The following DMXL1 variants were observed in gnomAD, a reference collection of about 807,000 sequenced individuals.
The protein encoded by DMXL1 is dmX-like protein 1.
In DMXL1, 99 loss-of-function variants were observed where a neutral mutation model predicts 319.2. That is an observed-to-expected ratio of 0.31 (90% CI 0.26 to 0.37). The LOEUF is 0.37. Among genes scored for constraint, DMXL1 ranks in the 10% least tolerant of loss-of-function variants. The probability of loss-of-function intolerance (pLI) is 1.00; values close to 1 mark genes in which losing one functional copy is unlikely to be tolerated. For missense variants in DMXL1, 3,745 were observed against 3,595.6 expected (o/e 1.04, Z -1.06); for synonymous variants, 1,385 against 1,235.2 (o/e 1.12, Z -2.54).
chr5:119,165,666 C>T (rs1773280857), intron 21 of DMXL1, among the ~76,000 whole-genome samples: 1 of 152,202 alleles, frequency 6.6e-6, no homozygotes, highest in African/African-American at 2.4e-5. Flanking sequence ...CTGGGAAGGC[C>T]TCACAATCAT....
intron 39 of DMXL1, chr5:119,236,344 A>G (rs956720594): frequency 1.1e-4 from 17 of 152,014 alleles, no homozygotes; most frequent in African/African-American, 2.7e-4. Context: ...AAACTTTCCC[A>G]TTTCTAGATG....
At chr5:119,241,160 T>C (rs79966641) in intron 42 of DMXL1, among the ~76,000 whole-genome samples, 1 of 152,110 alleles carries the variant, frequency 6.6e-6, no homozygotes, top group Non-Finnish European at 1.5e-5. Flanking sequence ...GAAAATGTTA[T>C]GAAAATCATG....
intron 3 of DMXL1, among the ~76,000 whole-genome samples, chr5:119,102,479 C>G (rs1757478112): frequency 6.6e-6 from 1 of 152,152 alleles, no homozygotes; most frequent in African/African-American, 2.4e-5. Context: ...AGAAATAGTT[C>G]TGAAAACTGG....
chr5:119,194,011 G>C (rs1273551576), intron 30 of DMXL1, 41 bp downstream of exon 30: 2 of 1,348,098 alleles, frequency 1.5e-6, no homozygotes, highest in Non-Finnish European at 2.0e-6. Flanking sequence ...TAAAAATAAT[G>C]GTGTATATAA....
At chr5:119,121,886 A>T (rs931324431) in intron 9 of DMXL1, among the ~76,000 whole-genome samples, 2 of 147,210 alleles carry the variant, frequency 1.4e-5, no homozygotes, top group Non-Finnish European at 3.0e-5. Context: ...CACCTCCTGG[A>T]CGGGGCGGCT....
At chr5:119,242,305 A>G (rs570311447) in intron 42 of DMXL1, among the ~76,000 whole-genome samples, 34 of 152,356 alleles carry the variant, frequency 2.2e-4, no homozygotes, top group African/African-American at 7.9e-4. Context: ...TACTAAATTC[A>G]GTTGCTTTTT....
chr5:119,103,243 G>C (rs1757651336), intron 3 of DMXL1, among the ~76,000 whole-genome samples: 2 of 152,068 alleles, frequency 1.3e-5, no homozygotes. Flanking sequence ...GTCTTGATGG[G>C]AATATTATTA....
At chr5:119,146,288 TAATA>T (rs1443567945) in intron 15 of DMXL1, among the ~76,000 whole-genome samples, 81 of 151,958 alleles carry the variant, frequency 5.3e-4, no homozygotes, top group Non-Finnish European at 6.0e-4. Flanking sequence ...TTTCAGGCAA[TAATA>T]AATCATTGAT....
chr5:119,197,965 T>C lies in DMXL1; in HGVS notation c.7745+9T>C. On this transcript the variant is annotated intron_variant, in intron 32 of 43. Transcript: ENST00000539542. The stretch of plus-strand genomic sequence containing the variant: ...ACAAACACTCCTTTCAAGTAGGTTT[T>C]CTTATGAATGCTATTTGGGTTTTTT... 3 of 1,613,636 alleles carry C rather than the reference T, an allele frequency of 1.9e-6. No individual in the cohort carries two copies. The highest frequency in any genetic ancestry group is 2.5e-6 in the Non-Finnish European group (3 of 1,179,578).
At chr5:119,134,413 C>T in intron 13 of DMXL1, 24 bp downstream of exon 13, 1 of 1,571,018 alleles carries the variant, frequency 6.4e-7, no homozygotes, top group South Asian at 1.1e-5. Context: ...TTTAAAACAG[C>T]TTAAGTATAT....
chr5:119,183,598 A>G (rs1777164265), intron 28 of DMXL1, among the ~76,000 whole-genome samples: 1 of 151,696 alleles, frequency 6.6e-6, no homozygotes, highest in Non-Finnish European at 1.5e-5. Flanking sequence ...TCAGCCTCCC[A>G]AGTAGCTGGG....
chr5:119,128,717 G>C (rs1002200327), intron 9 of DMXL1, among the ~76,000 whole-genome samples: 8 of 152,180 alleles, frequency 5.3e-5, no homozygotes, highest in African/African-American at 9.6e-5. Context: ...GAATATGGCT[G>C]TACCTTTGAA....
chr5:119,131,186 T>C (rs1764809979), intron 10 of DMXL1, among the ~76,000 whole-genome samples: 1 of 151,986 alleles, frequency 6.6e-6, no homozygotes, highest in East Asian at 1.9e-4. Flanking sequence ...TTTGTATATC[T>C]TGACTTACTT....
chr5:119,166,582 C>A, intron 21 of DMXL1, 34 bp from the exon 22 acceptor site: 3 of 1,569,158 alleles, frequency 1.9e-6, no homozygotes, highest in Non-Finnish European at 2.6e-6. Flanking sequence ...AAATTGTATT[C>A]CAAAATTTTC....
At chr5:119,156,897 G>A (rs1186155164) in intron 19 of DMXL1, among the ~76,000 whole-genome samples, 1 of 151,760 alleles carries the variant, frequency 6.6e-6, no homozygotes, top group East Asian at 1.9e-4. Context: ...ATCTCATTAT[G>A]GCTTTAATTT....
chr5:119,124,291 C>T (rs1270129168), intron 9 of DMXL1, among the ~76,000 whole-genome samples: 1 of 149,102 alleles, frequency 6.7e-6, no homozygotes, highest in Non-Finnish European at 1.5e-5. Context: ...CTCCAGCTTC[C>T]TGGGTGGCAG....
chr5:119,228,708 G>A (rs1253798566), intron 38 of DMXL1, among the ~76,000 whole-genome samples: 1 of 152,046 alleles, frequency 6.6e-6, no homozygotes, highest in East Asian at 1.9e-4. Context: ...TTAGAGTGAG[G>A]TCAAAAGTAC....
At chr5:119,187,809 C>T (rs1273832296) in intron 28 of DMXL1, among the ~76,000 whole-genome samples, 4 of 152,174 alleles carry the variant, frequency 2.6e-5, no homozygotes, top group South Asian at 2.1e-4. Flanking sequence ...ATTACAGGCA[C>T]GTGCCACCAT....
chr5:119,154,183 A>G (rs150321371), intron 19 of DMXL1, among the ~76,000 whole-genome samples: 1 of 152,328 alleles, frequency 6.6e-6, no homozygotes, highest in African/African-American at 2.4e-5. Flanking sequence ...TAACAACCCT[A>G]CAATGTCTTC....
Sources: allele counts gnomAD v4.1 joint callset (sites outside exome capture counted in the v4.1 genomes callset), GRCh38; gene constraint gnomAD v4.1.1; transcripts MANE v1.5; gene names NCBI Gene and HGNC (gene_info 2026-07-23, HGNC 2026-07-21).